TGFBR3: variants seen among roughly 807,000 people sequenced by gnomAD.
The protein encoded by TGFBR3 is transforming growth factor beta receptor type 3.
In TGFBR3, 46 loss-of-function variants were observed where a neutral mutation model predicts 87.9. The observed-to-expected ratio is 0.52, with a 90% CI of 0.41 to 0.67. The LOEUF is 0.67. TGFBR3 is among the 30% of genes least tolerant of loss of function. TGFBR3 has a pLI of 0.00. For missense variants in TGFBR3, 866 were observed against 1,041.9 expected, an observed-to-expected ratio of 0.83 and a Z score of 2.32; for synonymous variants, 381 against 391.6, an observed-to-expected ratio of 0.97 and a Z score of 0.32.
chr1:91,773,166 G>C (rs144520438), intron 3 of TGFBR3, among the ~76,000 whole-genome samples: 3 of 152,048 alleles, frequency 2.0e-5, no homozygotes, highest in Admixed American at 2.0e-4. Context: ...ATCACTTGAG[G>C]ACAAGAGTTT....
At chr1:91,812,605 T>C (rs1400699241) in intron 2 of TGFBR3, among the ~76,000 whole-genome samples, 1 of 152,190 alleles carries the variant, frequency 6.6e-6, no homozygotes, top group African/African-American at 2.4e-5. Context: ...ATTTCTGTGC[T>C]TTATAGTTTT....
chr1:91,748,826 G>C (rs116503753), intron 4 of TGFBR3, among the ~76,000 whole-genome samples: 1 of 152,192 alleles, frequency 6.6e-6, no homozygotes, highest in South Asian at 2.1e-4. Flanking sequence ...ATGGGACCAG[G>C]TACATGTTAA....
intron 2 of TGFBR3, among the ~76,000 whole-genome samples, chr1:91,818,139 A>T (rs1348370334): frequency 1.3e-5 from 2 of 152,224 alleles, no homozygotes; most frequent in East Asian, 3.9e-4. Flanking sequence ...AGCCAAGCAA[A>T]GAGCAGTGAG....
At chr1:91,795,380 C>A (rs1378304149) in intron 3 of TGFBR3, among the ~76,000 whole-genome samples, 2 of 152,184 alleles carry the variant, frequency 1.3e-5, no homozygotes, top group East Asian at 3.9e-4. Context: ...ACTGAACACA[C>A]TATGTCCCTG....
intron 1 of TGFBR3, among the ~76,000 whole-genome samples, chr1:91,900,249 G>A (rs1679683060): frequency 6.6e-6 from 1 of 152,060 alleles, no homozygotes; most frequent in African/African-American, 2.4e-5. Context: ...GAGTACCTGG[G>A]ACTACAGGCG....
At chr1:91,758,098 C>G (rs1055353810) in intron 4 of TGFBR3, among the ~76,000 whole-genome samples, 1 of 152,148 alleles carries the variant, frequency 6.6e-6, no homozygotes, top group African/African-American at 2.4e-5. Context: ...TTGGATCTTT[C>G]GACAAGAGCT....
At chr1:91,807,777 CAT>C (rs1675888852) in intron 2 of TGFBR3, among the ~76,000 whole-genome samples, 1 of 152,148 alleles carries the variant, frequency 6.6e-6, no homozygotes, top group Admixed American at 6.5e-5. Context: ...CACCACTGGA[CAT>C]AGCAAGAGGT....
At chr1:91,844,412 A>C (rs1045561652) in intron 2 of TGFBR3, among the ~76,000 whole-genome samples, 1 of 152,242 alleles carries the variant, frequency 6.6e-6, no homozygotes, top group African/African-American at 2.4e-5. Context: ...ATTTGGACAC[A>C]CTAGAGTCTT....
chr1:91,871,950 A>G (rs1038886061), intron 1 of TGFBR3, among the ~76,000 whole-genome samples: 1 of 152,210 alleles, frequency 6.6e-6, no homozygotes, highest in Non-Finnish European at 1.5e-5. Flanking sequence ...TAAAGCACTT[A>G]CTTCCTAGTA....
At chr1:91,763,510 G>A (rs1674051302) in intron 3 of TGFBR3, among the ~76,000 whole-genome samples, 1 of 152,180 alleles carries the variant, frequency 6.6e-6, no homozygotes, top group South Asian at 2.1e-4. Flanking sequence ...GATAAGAAAA[G>A]AACTCCAACA....
At chr1:91,836,590 A>G (rs1257740310) in intron 2 of TGFBR3, among the ~76,000 whole-genome samples, 1 of 152,140 alleles carries the variant, frequency 6.6e-6, no homozygotes, top group Non-Finnish European at 1.5e-5. Context: ...ATTGGGTTCT[A>G]TGAATATCCT....
intron 2 of TGFBR3, among the ~76,000 whole-genome samples, chr1:91,829,395 CA>C (rs71586715): frequency 3.6e-4 from 51 of 140,246 alleles, no homozygotes; most frequent in Middle Eastern, 3.7e-3. Context: ...AACAAACAAA[CA>C]AAAAAAAAAA....
intron 1 of TGFBR3, among the ~76,000 whole-genome samples, chr1:91,865,634 C>T (rs932948433): frequency 9.9e-5 from 15 of 152,076 alleles, no homozygotes; most frequent in Non-Finnish European, 1.6e-4. Flanking sequence ...AGAACTTGGC[C>T]GGGCGCGGTG....
chr1:91,800,988 C>G lies in TGFBR3; in HGVS notation c.62-3517G>C, dbSNP rs550762012. 6.8e-4 allele frequency: 146 copies of G among 215,344 alleles called. 1 individual carries two copies. The highest frequency in any genetic ancestry group is 1.3e-3 in the Non-Finnish European group (134 of 102,268). 13.3% of individuals were successfully genotyped at this position (215,344 alleles called of 1,614,324 possible). ...AATCCTAGTACTCAGGAGGCTGAGG[C>G]AGAAGAATCGCTTGAACCCGGGAGG... On this transcript the variant is annotated intron_variant, in intron 2 of 16. Coordinates refer to ENST00000212355, the MANE Select transcript of TGFBR3 (RefSeq NM_003243.5).
At position 91,727,516 on chromosome 1, in the gene TGFBR3, A is replaced by C. The variant is rs1305692207; in HGVS notation, c.885+143T>G. 115 of 1,027,898 alleles carry C rather than the reference A, an allele frequency of 1.1e-4. 1 individual carries two copies. In the East Asian group the frequency reaches 2.9e-3, roughly 26 times the overall value. The allele number at this position is 1,027,898 out of a possible 1,614,324, so 63.7% of individuals were successfully genotyped here. The stretch of plus-strand genomic sequence containing the variant: ...ACAACCGCACCTATTTTATAGGAGC[A>C]TGCTATTTTGCAAAGTGAAAAATAA... On this transcript the variant is annotated intron_variant, in intron 7 of 16. Transcript: ENST00000212355.
intron 7 of TGFBR3, among the ~76,000 whole-genome samples, chr1:91,722,873 G>T (rs1557677148): frequency 2.0e-5 from 3 of 152,108 alleles, no homozygotes; most frequent in African/African-American, 7.2e-5. Context: ...GTAAAAATAT[G>T]GTATTACAAT....
intron 16 of TGFBR3, chr1:91,695,366 A>C: frequency 2.7e-6 from 1 of 374,764 alleles, no homozygotes; most frequent in Non-Finnish European, 5.1e-6. Flanking sequence ...TTTTGACGGA[A>C]TGGTTTGTAT....
chr1:91,811,909 T>C (rs1191305654), intron 2 of TGFBR3, among the ~76,000 whole-genome samples: 2 of 152,120 alleles, frequency 1.3e-5, no homozygotes, highest in Admixed American at 6.5e-5. Context: ...TTTTTGAAGT[T>C]TGTCACATTC....
intron 2 of TGFBR3, among the ~76,000 whole-genome samples, chr1:91,891,254 G>A (rs1257726197): frequency 1.3e-5 from 2 of 150,780 alleles, no homozygotes; most frequent in African/African-American, 4.9e-5. Context: ...TGTAATCCCA[G>A]TACTTGGGAG....
Sources: allele counts gnomAD v4.1 joint callset (sites outside exome capture counted in the v4.1 genomes callset), GRCh38; gene constraint gnomAD v4.1.1; transcripts MANE v1.5; gene names NCBI Gene and HGNC (gene_info 2026-07-23, HGNC 2026-07-21).